FHIT: variants seen among roughly 807,000 people sequenced by gnomAD.
FHIT encodes the protein fragile histidine triad diadenosine triphosphatase.
In FHIT, 19 loss-of-function variants were observed where a neutral mutation model predicts 17.9. The observed-to-expected ratio is 1.06, with a 90% CI of 0.74 to 1.56. The LOEUF is 1.56. Among genes scored for constraint, FHIT ranks in the 40% most tolerant of loss-of-function variants. The pLI is 0.00. For synonymous variants in FHIT, 81 were observed against 69.7 expected, an observed-to-expected ratio of 1.16 and a Z score of -0.81; for missense variants, 248 against 189.2, an observed-to-expected ratio of 1.31 and a Z score of -1.82.
At chr3:60,886,653 G>A (rs1705235051) in intron 3 of FHIT, among the ~76,000 whole-genome samples, 1 of 152,108 alleles carries the variant, frequency 6.6e-6, no homozygotes, top group African/African-American at 2.4e-5. Context: ...AGAGATTCCT[G>A]AAGAAACAAA....
intron 4 of FHIT, among the ~76,000 whole-genome samples, chr3:60,557,265 C>G (rs944885784): frequency 2.0e-5 from 3 of 152,184 alleles, no homozygotes; most frequent in Admixed American, 6.5e-5. Context: ...GTATGTGACA[C>G]TGGTCTCCTC....
At chr3:60,403,813 T>A (rs1701752644) in intron 5 of FHIT, among the ~76,000 whole-genome samples, 1 of 152,194 alleles carries the variant, frequency 6.6e-6, no homozygotes, top group African/African-American at 2.4e-5. Context: ...TTCCCCTGTA[T>A]CTTTGGGTCA....
intron 4 of FHIT, among the ~76,000 whole-genome samples, chr3:60,559,101 T>C (rs187349627): frequency 7.5e-4 from 115 of 152,350 alleles, no homozygotes; most frequent in Non-Finnish European, 1.4e-3. Context: ...ACATTCTGAT[T>C]GTGATATAAT....
chr3:61,251,138 C>T (rs1000953331), intron 1 of FHIT, among the ~76,000 whole-genome samples, 163 bp downstream of exon 1: 18 of 152,190 alleles, frequency 1.2e-4, no homozygotes. Flanking sequence ...GAGTCCCCAC[C>T]CTGAGACCCT....
chr3:60,049,611 G>A (rs935101660), intron 5 of FHIT, among the ~76,000 whole-genome samples: 4 of 152,090 alleles, frequency 2.6e-5, no homozygotes, highest in African/African-American at 9.7e-5. Flanking sequence ...TAAGTTTTAT[G>A]TTGATGATAT....
intron 7 of FHIT, among the ~76,000 whole-genome samples, chr3:60,004,619 CTG>C (rs1344578089): frequency 2.0e-5 from 3 of 152,130 alleles, no homozygotes; most frequent in African/African-American, 7.2e-5. Context: ...GTTTCTTCTA[CTG>C]TGATTACAGG....
chr3:60,826,324 GTT>G, intron 3 of FHIT, among the ~76,000 whole-genome samples: 1 of 151,088 alleles, frequency 6.6e-6, no homozygotes, highest in Admixed American at 6.6e-5. Flanking sequence ...GTTTTGTTTT[GTT>G]TTGTTTTGTT....
intron 4 of FHIT, among the ~76,000 whole-genome samples, chr3:60,597,818 A>T (rs916631518): frequency 2.0e-5 from 3 of 152,172 alleles, no homozygotes; most frequent in African/African-American, 7.2e-5. Context: ...TGACCAAGCT[A>T]TGCAATTTGT....
At chr3:61,192,435 T>G (rs947510272) in intron 2 of FHIT, among the ~76,000 whole-genome samples, 4 of 152,298 alleles carry the variant, frequency 2.6e-5, no homozygotes, top group Admixed American at 2.6e-4. Flanking sequence ...GGTCCCCAGT[T>G]GCTTGGCAAA....
intron 8 of FHIT, among the ~76,000 whole-genome samples, chr3:59,845,147 C>T (rs1223805321): frequency 6.6e-6 from 1 of 152,024 alleles, no homozygotes; most frequent in African/African-American, 2.4e-5. Flanking sequence ...ACTTTCATTT[C>T]TGATTTTATT....
intron 8 of FHIT, among the ~76,000 whole-genome samples, chr3:59,867,590 C>T (rs1702712788): frequency 6.6e-6 from 1 of 151,954 alleles, no homozygotes; most frequent in African/African-American, 2.4e-5. Context: ...TCTCACTATC[C>T]TCCCCTTTTT....
intron 1 of FHIT, among the ~76,000 whole-genome samples, chr3:61,241,312 C>G (rs1210144776): frequency 2.0e-5 from 3 of 152,122 alleles, no homozygotes; most frequent in Non-Finnish European, 4.4e-5. Context: ...GGGCTCCAAA[C>G]GCATAGGTAA....
chr3:60,384,042 G>C (rs1700908745), intron 5 of FHIT, among the ~76,000 whole-genome samples: 1 of 152,020 alleles, frequency 6.6e-6, no homozygotes, highest in Admixed American at 6.6e-5. Context: ...GGCCGAGGTG[G>C]GTGGATCACG....
At chr3:59,968,041 T>C (rs1193770833) in intron 7 of FHIT, among the ~76,000 whole-genome samples, 1 of 152,058 alleles carries the variant, frequency 6.6e-6, no homozygotes, top group Non-Finnish European at 1.5e-5. Context: ...AGTAATATAG[T>C]AATATTCAAA....
chr3:60,493,048 C>T (rs2034134412), intron 5 of FHIT, among the ~76,000 whole-genome samples: 1 of 151,952 alleles, frequency 6.6e-6, no homozygotes, highest in Non-Finnish European at 1.5e-5. Context: ...TGGATAAGTG[C>T]CAAGGAGAAA....
chr3:60,596,727 A>G (rs1288114804), intron 4 of FHIT, among the ~76,000 whole-genome samples: 1 of 152,182 alleles, frequency 6.6e-6, no homozygotes, highest in Non-Finnish European at 1.5e-5. Flanking sequence ...TACTAGACAC[A>G]TCTCAGGTAG....
intron 7 of FHIT, among the ~76,000 whole-genome samples, chr3:59,969,488 G>C (rs1708080290): frequency 6.6e-6 from 1 of 152,024 alleles, no homozygotes; most frequent in African/African-American, 2.4e-5. Context: ...CCCAACCTCT[G>C]CAGTGTTCTG....
chr3:60,783,751 C>T (rs782700187), intron 4 of FHIT, among the ~76,000 whole-genome samples: 1 of 152,052 alleles, frequency 6.6e-6, no homozygotes, highest in Non-Finnish European at 1.5e-5. Context: ...GGTTTGAAAA[C>T]AAAGAAAATG....
At chr3:60,403,410 C>A (rs1701735905) in intron 5 of FHIT, among the ~76,000 whole-genome samples, 1 of 152,126 alleles carries the variant, frequency 6.6e-6, no homozygotes, top group South Asian at 2.1e-4. Flanking sequence ...GCTGTCAGGG[C>A]TCAGAAAGAT....
Sources: gnomAD v4.1 joint callset for allele counts (sites outside exome capture counted in the v4.1 genomes callset) on GRCh38, gnomAD v4.1.1 for gene constraint, MANE v1.5 for transcripts, NCBI Gene and HGNC (gene_info 2026-07-23, HGNC 2026-07-21) for gene names.